The following CNTNAP2 variants were observed in gnomAD, a reference collection of about 807,000 sequenced individuals.
CNTNAP2 encodes the protein contactin associated protein 2.
CNTNAP2 carries 98 observed loss-of-function variants against 155.2 expected under a neutral mutation model. The ratio of observed to expected loss-of-function variants is 0.63; its 90% CI spans 0.54 to 0.75. The LOEUF (loss-of-function observed/expected upper bound fraction) is 0.75. Among genes scored for constraint, CNTNAP2 ranks in the 30% least tolerant of loss-of-function variants. The pLI is 0.00. For synonymous variants in CNTNAP2, 651 were observed against 631.2 expected, an observed-to-expected ratio of 1.03 and a Z score of -0.47; for missense variants, 1,727 against 1,688.1, an observed-to-expected ratio of 1.02 and a Z score of -0.40.
intron 1 of CNTNAP2, among the ~76,000 whole-genome samples, chr7:146,640,290 A>C (rs1388816551): frequency 6.6e-6 from 1 of 152,214 alleles, no homozygotes; most frequent in African/African-American, 2.4e-5. Context: ...AAGGAAAGAT[A>C]CGTTTCTTCT....
At chr7:147,125,837 G>T (rs766107621) in intron 6 of CNTNAP2, among the ~76,000 whole-genome samples, 12 of 152,184 alleles carry the variant, frequency 7.9e-5, no homozygotes, top group Non-Finnish European at 1.8e-4. Context: ...TGTGAGTTAA[G>T]ATTACATAGG....
chr7:147,048,362 G>A (rs1453731976), intron 4 of CNTNAP2, among the ~76,000 whole-genome samples: 1 of 151,922 alleles, frequency 6.6e-6, no homozygotes, highest in African/African-American at 2.4e-5. Flanking sequence ...CAGCTCAAAA[G>A]GCAGATTTTT....
chr7:146,689,299 G>A (rs545823707), intron 1 of CNTNAP2, among the ~76,000 whole-genome samples: 95 of 152,096 alleles, frequency 6.2e-4, no homozygotes, highest in African/African-American at 2.2e-3. Flanking sequence ...TTATCAAGCA[G>A]TGAATTGCCA....
intron 14 of CNTNAP2, among the ~76,000 whole-genome samples, chr7:147,959,538 C>G (rs1585049147): frequency 6.6e-6 from 1 of 152,150 alleles, no homozygotes; most frequent in African/African-American, 2.4e-5. Flanking sequence ...TCCCACAGAG[C>G]AGGGCTACCC....
intron 14 of CNTNAP2, among the ~76,000 whole-genome samples, chr7:147,916,694 A>G (rs1008323401): frequency 2.0e-5 from 3 of 151,464 alleles, no homozygotes; most frequent in African/African-American, 7.3e-5. Context: ...AAAAAAATGC[A>G]TTCTGCCCAA....
At chr7:146,876,327 G>A (rs1461554392) in intron 3 of CNTNAP2, among the ~76,000 whole-genome samples, 2 of 151,962 alleles carry the variant, frequency 1.3e-5, no homozygotes, top group Non-Finnish European at 2.9e-5. Flanking sequence ...TTTTCCTTCT[G>A]TGAATCAGGT....
At chr7:146,373,823 G>A (rs752035073) in intron 1 of CNTNAP2, among the ~76,000 whole-genome samples, 10 of 152,090 alleles carry the variant, frequency 6.6e-5, no homozygotes, top group Non-Finnish European at 1.3e-4. Context: ...TCATATACAC[G>A]TTATCTGGAA....
intron 3 of CNTNAP2, among the ~76,000 whole-genome samples, chr7:146,973,121 C>G (rs1197179476): frequency 3.9e-5 from 6 of 152,164 alleles, no homozygotes; most frequent in Non-Finnish European, 4.4e-5. Flanking sequence ...ATCTGCCTCC[C>G]AGGTTCAAGT....
intron 1 of CNTNAP2, among the ~76,000 whole-genome samples, chr7:146,416,205 A>T (rs1179225863): frequency 6.6e-6 from 1 of 151,432 alleles, no homozygotes; most frequent in African/African-American, 2.4e-5. Context: ...AGTTTTCAAA[A>T]TTTGTTAATG....
rs545582093 is a variant in CNTNAP2, at chr7:147,165,156, A to C, written c.1348+32647A>C. On this transcript the variant is annotated intron_variant, in intron 8 of 23. Coordinates refer to ENST00000361727, the MANE Select transcript of CNTNAP2 (RefSeq NM_014141.6). ...TCAAAACAGTGGGATTTAAAATCCA[A>C]AGTATTTTTTGATTTTTTTTTCTTT... Among the ~76,000 whole-genome samples, 40 of 138,630 alleles carry C rather than the reference A, an allele frequency of 2.9e-4. No individual in the cohort carries two copies. In the East Asian group the frequency reaches 8.2e-3, roughly 29 times the overall value. 90.9% of individuals were successfully genotyped at this position (138,630 alleles called of 152,430 possible). A position where few individuals can be genotyped will look rare whatever the true frequency, so the allele number is the denominator to read the frequency against.
intron 8 of CNTNAP2, among the ~76,000 whole-genome samples, chr7:147,254,679 G>A (rs946802632): frequency 6.6e-6 from 1 of 152,200 alleles, no homozygotes; most frequent in East Asian, 1.9e-4. Context: ...ACAGTTGACC[G>A]GGCTTGCTTA....
intron 1 of CNTNAP2, among the ~76,000 whole-genome samples, chr7:146,697,538 C>A (rs901552470): frequency 6.6e-6 from 1 of 152,120 alleles, no homozygotes; most frequent in Admixed American, 6.6e-5. Context: ...CACGCTTGGC[C>A]CTTATTTTAA....
chr7:146,616,702 G>C (rs1799230316), intron 1 of CNTNAP2, among the ~76,000 whole-genome samples: 1 of 152,152 alleles, frequency 6.6e-6, no homozygotes, highest in African/African-American at 2.4e-5. Context: ...TAGTTTCCCA[G>C]ACTAGCGTCT....
At chr7:148,110,668 G>A (rs937345991) in intron 15 of CNTNAP2, among the ~76,000 whole-genome samples, 5 of 152,306 alleles carry the variant, frequency 3.3e-5, no homozygotes, top group African/African-American at 9.6e-5. Context: ...AAGAGGCCCA[G>A]GAACCGGAGG....
At chr7:147,499,333 C>G (rs1187701351) in intron 11 of CNTNAP2, among the ~76,000 whole-genome samples, 2 of 151,952 alleles carry the variant, frequency 1.3e-5, no homozygotes, top group African/African-American at 4.8e-5. Flanking sequence ...TCAAGACCAT[C>G]CTGTCTAACA....
At chr7:146,747,944 A>T (rs372994341) in intron 1 of CNTNAP2, among the ~76,000 whole-genome samples, 2 of 152,048 alleles carry the variant, frequency 1.3e-5, no homozygotes, top group African/African-American at 4.8e-5. Context: ...TATTCACGGG[A>T]TGAAACTGCC....
intron 4 of CNTNAP2, among the ~76,000 whole-genome samples, chr7:147,054,295 A>G (rs1799521833): frequency 6.6e-6 from 1 of 152,192 alleles, no homozygotes; most frequent in African/African-American, 2.4e-5. Context: ...AAAAATTTAA[A>G]TGACTAATCT....
chr7:146,963,573 A>G (rs1212711284), intron 3 of CNTNAP2, among the ~76,000 whole-genome samples: 95 of 152,190 alleles, frequency 6.2e-4, no homozygotes, highest in Admixed American at 6.2e-3. Context: ...AGAATAAAAC[A>G]CAATGTCTTA....
At chr7:147,699,454 G>A (rs1211214301) in intron 13 of CNTNAP2, among the ~76,000 whole-genome samples, 1 of 151,994 alleles carries the variant, frequency 6.6e-6, no homozygotes, top group Non-Finnish European at 1.5e-5. Context: ...CTGTCGTGGG[G>A]TGGGGGGCAA....
Sources: allele counts gnomAD v4.1 joint callset (sites outside exome capture counted in the v4.1 genomes callset), GRCh38; gene constraint gnomAD v4.1.1; transcripts MANE v1.5; gene names NCBI Gene and HGNC (gene_info 2026-07-23, HGNC 2026-07-21).